FOXP1: variants seen among roughly 807,000 people sequenced by gnomAD.
FOXP1 encodes forkhead box P1.
A neutral mutation model predicts 98.2 loss-of-function variants in FOXP1; 15 were observed. The ratio of observed to expected loss-of-function variants is 0.15; its 90% CI spans 0.10 to 0.24. The LOEUF is 0.24. FOXP1 is among the 10% of genes least tolerant of loss of function. FOXP1 has a pLI of 1.00. For missense variants in FOXP1, 633 were observed against 848.5 expected (o/e 0.75, Z 3.15); for synonymous variants, 371 against 314.5 (o/e 1.18, Z -1.90).
intron 3 of FOXP1, among the ~76,000 whole-genome samples, chr3:71,465,877 T>C (rs2088664984): frequency 1.3e-5 from 2 of 152,154 alleles, no homozygotes; most frequent in Admixed American, 6.5e-5. Flanking sequence ...GGGCGAACCC[T>C]ATTGTGAACT....
At chr3:71,088,104 T>C (rs894542749) in intron 7 of FOXP1, among the ~76,000 whole-genome samples, 1 of 152,238 alleles carries the variant, frequency 6.6e-6, no homozygotes. Flanking sequence ...AGAACCAAGA[T>C]GCTGGGGAAT....
At chr3:70,982,266 C>T (rs1192883134) in intron 14 of FOXP1, among the ~76,000 whole-genome samples, 1 of 152,134 alleles carries the variant, frequency 6.6e-6, no homozygotes, top group Non-Finnish European at 1.5e-5. Context: ...TAATTGTAAA[C>T]TATTAAATCT....
rs9836579 is a variant in FOXP1 at position 70,992,899 on chromosome 3, C to T, written c.1063-4822G>A. Among the ~76,000 whole-genome samples the T allele has an allele frequency of 5.4e-3, 823 of 152,234 alleles. 5 individuals carry two copies. Among genetic ancestry groups the T allele is most frequent in the African/African-American group, 0.019 (770 of 41,524 alleles). ...CAAAGCACTGGCAATATGGAACTAC[C>T]GTGCTGTTAGGACCTCTCTTTCCCC... On this transcript the variant is annotated intron_variant, in intron 13 of 20. Coordinates refer to ENST00000649528, the MANE Select transcript of FOXP1 (RefSeq NM_001349338.3).
intron 9 of FOXP1, among the ~76,000 whole-genome samples, chr3:71,051,670 G>A (rs2049912554): frequency 6.6e-6 from 1 of 152,194 alleles, no homozygotes; most frequent in African/African-American, 2.4e-5. Flanking sequence ...TCAGTCCACT[G>A]TAAAAATATG....
chr3:71,558,198 G>A (rs890345643), intron 2 of FOXP1, among the ~76,000 whole-genome samples: 20 of 152,216 alleles, frequency 1.3e-4, no homozygotes, highest in Admixed American at 1.2e-3. Flanking sequence ...TCCATATGTG[G>A]GCACTGCCAG....
At chr3:71,430,716 T>G (rs954323042) in intron 3 of FOXP1, among the ~76,000 whole-genome samples, 1 of 152,070 alleles carries the variant, frequency 6.6e-6, no homozygotes, top group African/African-American at 2.4e-5. Context: ...CTGCCCAGAT[T>G]CTAGGAAAAT....
chr3:71,351,004 C>T (rs1029233574), intron 4 of FOXP1, among the ~76,000 whole-genome samples: 1 of 152,152 alleles, frequency 6.6e-6, no homozygotes, highest in Non-Finnish European at 1.5e-5. Context: ...CACCGAAAGG[C>T]ATGTGGCACA....
chr3:71,517,613 C>T (rs575009124), intron 2 of FOXP1, among the ~76,000 whole-genome samples: 1 of 152,280 alleles, frequency 6.6e-6, no homozygotes, highest in African/African-American at 2.4e-5. Context: ...GAACTGGTAT[C>T]ACTTCTTTCT....
At chr3:71,133,037 CCAA>C (rs2059648725) in intron 6 of FOXP1, among the ~76,000 whole-genome samples, 1 of 151,656 alleles carries the variant, frequency 6.6e-6, no homozygotes, top group African/African-American at 2.4e-5. Context: ...CAAACATCTC[CCAA>C]CTAAATATTC....
intron 11 of FOXP1, among the ~76,000 whole-genome samples, chr3:71,033,416 C>T (rs953235054): frequency 1.3e-5 from 2 of 152,060 alleles, no homozygotes; most frequent in East Asian, 1.9e-4. Flanking sequence ...GAACATCACT[C>T]TCCAGACCCA....
intron 12 of FOXP1, among the ~76,000 whole-genome samples, chr3:71,013,558 A>G (rs2043981104): frequency 6.6e-6 from 1 of 152,216 alleles, no homozygotes; most frequent in Non-Finnish European, 1.5e-5. Context: ...CAGTATCGTG[A>G]AAATGGCCAC....
At chr3:71,054,277 T>TA (rs1458712886) in intron 7 of FOXP1, among the ~76,000 whole-genome samples, 2 of 152,212 alleles carry the variant, frequency 1.3e-5, no homozygotes, top group African/African-American at 4.8e-5. Context: ...CTTCCGAACT[T>TA]AAACACAGAC....
At chr3:71,149,555 G>T (rs1272536584) in intron 6 of FOXP1, among the ~76,000 whole-genome samples, 3 of 151,958 alleles carry the variant, frequency 2.0e-5, no homozygotes, top group Non-Finnish European at 4.4e-5. Flanking sequence ...TTTTTAGAAA[G>T]ATATAAAAAT....
intron 6 of FOXP1, among the ~76,000 whole-genome samples, chr3:71,189,632 G>T (rs1398983029): frequency 4.6e-5 from 7 of 152,154 alleles, no homozygotes; most frequent in Admixed American, 2.0e-4. Context: ...CAGTCATTAA[G>T]ATGGAACATC....
At chr3:70,975,013 G>C (rs1228484359) in intron 17 of FOXP1, among the ~76,000 whole-genome samples, 1 of 152,092 alleles carries the variant, frequency 6.6e-6, no homozygotes, top group Non-Finnish European at 1.5e-5. Flanking sequence ...CCTTAACTGG[G>C]CATTTCATCT....
intron 6 of FOXP1, among the ~76,000 whole-genome samples, chr3:71,164,556 T>C (rs1178159990): frequency 6.6e-6 from 1 of 152,188 alleles, no homozygotes; most frequent in African/African-American, 2.4e-5. Flanking sequence ...GAAAACACAT[T>C]GCTAGAAACA....
chr3:71,024,375 T>C (rs977869818), intron 11 of FOXP1, among the ~76,000 whole-genome samples: 1 of 152,172 alleles, frequency 6.6e-6, no homozygotes, highest in African/African-American at 2.4e-5. Flanking sequence ...TCTCACTCAC[T>C]GCAGAAAAAC....
At chr3:71,346,999 G>T (rs1310420976) in intron 4 of FOXP1, among the ~76,000 whole-genome samples, 1 of 152,094 alleles carries the variant, frequency 6.6e-6, no homozygotes, top group African/African-American at 2.4e-5. Flanking sequence ...CACCACCATT[G>T]CACTCCAGCC....
At chr3:71,093,692 T>C (rs1313696651) in intron 7 of FOXP1, among the ~76,000 whole-genome samples, 2 of 151,596 alleles carry the variant, frequency 1.3e-5, no homozygotes, top group Non-Finnish European at 2.9e-5. Flanking sequence ...GATAAGTGAA[T>C]AGATGGATGG....
Sources: gnomAD v4.1 joint callset for allele counts (sites outside exome capture counted in the v4.1 genomes callset) on GRCh38, gnomAD v4.1.1 for gene constraint, MANE v1.5 for transcripts, NCBI Gene and HGNC (gene_info 2026-07-23, HGNC 2026-07-21) for gene names.